Variants in ATP2C2 observed in about 807,000 individuals in gnomAD.
ATP2C2 encodes the protein calcium-transporting ATPase type 2C member 2.
ATP2C2 carries 171 observed loss-of-function variants against 110.8 expected under a neutral mutation model. The observed-to-expected ratio is 1.54, with a 90% confidence interval of 1.36 to 1.75. The LOEUF (loss-of-function observed/expected upper bound fraction) is 1.75. Ranked by LOEUF, ATP2C2 falls within the 40% of genes most tolerant of loss-of-function variation. The pLI is 0.00. For synonymous variants in ATP2C2, 804 were observed against 508.4 expected, an observed-to-expected ratio of 1.58 and a Z score of -7.82; for missense variants, 1,963 against 1,235.0, an observed-to-expected ratio of 1.59 and a Z score of -8.84.
intron 1 of ATP2C2, among the ~76,000 whole-genome samples, chr16:84,382,596 G>T (rs1910642529): frequency 6.6e-6 from 1 of 152,182 alleles, no homozygotes. Context: ...GCTGACCATA[G>T]ACATGGCCAA....
chr16:84,396,409 G>C (rs1002294399), intron 1 of ATP2C2, among the ~76,000 whole-genome samples: 14 of 151,762 alleles, frequency 9.2e-5, no homozygotes, highest in East Asian at 3.9e-4. Context: ...AATTAGTGAG[G>C]CGTGGCGGTG....
In ATP2C2 at chr16:84,442,536, C is replaced by A; in HGVS notation, c.1338C>A (p.Val446=). 1.9e-6 allele frequency: 3 copies of A among 1,614,030 alleles called. No individual in the cohort carries two copies. In the South Asian group the frequency reaches 3.3e-5, roughly 18 times the overall value. ...CGGGCTGTGTTGCCAACAATGCGGT[C>A]ATCAGAAAGAACGCCGTGATGGGGC... is the stretch of plus-strand genomic sequence containing the variant. ...VEAGCVANNA[V]IRKNAVMGQP... Residue 446 remains valine, a synonymous_variant, in exon 15 of 27, where the codon GTC becomes GTA. Coordinates refer to ENST00000262429, the MANE Select transcript of ATP2C2 (RefSeq NM_014861.4).
At chr16:84,378,029 C>T (rs1273383099) in intron 1 of ATP2C2, among the ~76,000 whole-genome samples, 1 of 152,156 alleles carries the variant, frequency 6.6e-6, no homozygotes, top group Non-Finnish European at 1.5e-5. Flanking sequence ...CACCTTGAAA[C>T]TCAAGTGCAA....
intron 16 of ATP2C2, 71 bp from the exon 17 acceptor site, chr16:84,448,462 G>T (rs1392446343): frequency 1.3e-6 from 2 of 1,510,764 alleles, no homozygotes; most frequent in Non-Finnish European, 1.8e-6. Flanking sequence ...ACCTTGTGCA[G>T]AGTGGGGTGA....
intron 10 of ATP2C2, 135 bp from the exon 11 acceptor site, chr16:84,425,600 A>T: frequency 2.1e-6 from 2 of 946,616 alleles, no homozygotes; most frequent in Non-Finnish European, 3.4e-6. Context: ...AGACGGGTTG[A>T]AAGTGGTTGA....
In ATP2C2 at chr16:84,425,743, A is replaced by C. The variant is rs771189845; in HGVS notation, c.928A>C (p.Met310Leu). 6.2e-7 allele frequency: 1 copy of C among 1,614,150 alleles called. No homozygotes were observed. The highest frequency in any genetic ancestry group is 1.1e-5 in the South Asian group (1 of 91,074). The change falls in exon 11 of 27, where the codon ATG becomes CTG. Residue 310 changes from methionine (M) to leucine (L), a missense_variant. Coordinates refer to ENST00000262429, the MANE Select transcript of ATP2C2 (RefSeq NM_014861.4). ...LFSFGIIGLI[M>L]LIGWSQGKQL... ...TTTTGTCTCTTCCCCAGGTCTCATC[A>C]TGCTCATTGGCTGGTCGCAAGGGAA... is the stretch of plus-strand genomic sequence containing the variant.
intron 23 of ATP2C2, chr16:84,460,350 G>A (rs1028258646): frequency 1.4e-5 from 6 of 430,368 alleles, no homozygotes; most frequent in Admixed American, 3.7e-5. Flanking sequence ...GCAACGTTGG[G>A]GGGGGTCCCC....
At chr16:84,414,030 T>C (rs887941258) in intron 6 of ATP2C2, among the ~76,000 whole-genome samples, 1 of 151,730 alleles carries the variant, frequency 6.6e-6, no homozygotes, top group Non-Finnish European at 1.5e-5. Flanking sequence ...CCAAAACAAA[T>C]AAAAAACCCC....
chr16:84,411,780 T>A lies in ATP2C2; in HGVS notation c.515+1015T>A, dbSNP rs376576866. On this transcript the variant is annotated intron_variant, in intron 6 of 26. Coordinates refer to ENST00000262429, the MANE Select transcript of ATP2C2 (RefSeq NM_014861.4). Reference sequence around the variant, plus strand: ...CTTAATGTTATTTAATTTTAATTTTTATTTAAATATGCACATGGACCTAGT... The same window carrying A: ...CTTAATGTTATTTAATTTTAATTTTAATTTAAATATGCACATGGACCTAGT... 2.2e-4 allele frequency among the ~76,000 whole-genome samples: 34 copies of A among 152,314 alleles called. 1 individual carries two copies. The highest frequency in any genetic ancestry group is 7.7e-4 in the African/African-American group (32 of 41,570).
chr16:84,407,810 G>C (rs750185619), intron 3 of ATP2C2, among the ~76,000 whole-genome samples: 3 of 152,066 alleles, frequency 2.0e-5, no homozygotes, highest in Non-Finnish European at 4.4e-5. Flanking sequence ...CCTGATCTTT[G>C]GTCTGCCTTC....
At chr16:84,404,263 G>A (rs1597773127) in intron 2 of ATP2C2, among the ~76,000 whole-genome samples, 1 of 152,322 alleles carries the variant, frequency 6.6e-6, no homozygotes, top group South Asian at 2.1e-4. Flanking sequence ...CCCACAGTCA[G>A]CAAAGCGGGT....
At chr16:84,462,886 A>T (rs550438430) in intron 26 of ATP2C2, 1 of 153,094 alleles carries the variant, frequency 6.5e-6, no homozygotes, top group Non-Finnish European at 1.5e-5. Context: ...GGGATTATGC[A>T]TCAGACCTGA....
intron 14 of ATP2C2, 86 bp downstream of exon 14, chr16:84,441,044 A>G: frequency 8.6e-7 from 1 of 1,163,936 alleles, no homozygotes; most frequent in Non-Finnish European, 1.3e-6. Flanking sequence ...CAGCCATTGA[A>G]CCTACTGGTT....
At chr16:84,453,544 AGGAGGT>A (rs1344898548) in intron 20 of ATP2C2, among the ~76,000 whole-genome samples, 173 bp downstream of exon 20, 10 of 151,806 alleles carry the variant, frequency 6.6e-5, no homozygotes, top group Non-Finnish European at 1.5e-4. Flanking sequence ...GGGGGAGGGG[AGGAGGT>A]TGAGCAGGGG....
chr16:84,429,082 C>T (rs1347303102), intron 11 of ATP2C2, among the ~76,000 whole-genome samples: 2 of 152,130 alleles, frequency 1.3e-5, no homozygotes, highest in Non-Finnish European at 2.9e-5. Context: ...GTCTTGATCT[C>T]TAGTGAATTG....
chr16:84,420,769 C>T (rs1950336804), intron 7 of ATP2C2, among the ~76,000 whole-genome samples: 1 of 152,054 alleles, frequency 6.6e-6, no homozygotes, highest in African/African-American at 2.4e-5. Context: ...GTGACAGTTT[C>T]TGATGTTCCT....
intron 2 of ATP2C2, among the ~76,000 whole-genome samples, chr16:84,402,852 T>G (rs1018110957): frequency 1.5e-4 from 23 of 152,288 alleles, no homozygotes; most frequent in African/African-American, 5.3e-4. Flanking sequence ...AATTATTTAG[T>G]AGGATTGGTA....
intron 15 of ATP2C2, among the ~76,000 whole-genome samples, chr16:84,445,138 C>G (rs917426243): frequency 2.6e-5 from 4 of 152,134 alleles, no homozygotes; most frequent in African/African-American, 9.7e-5. Context: ...GCATCCCTGC[C>G]TTGGTCTCTC....
At chr16:84,454,161 A>T (rs1910576079) in intron 20 of ATP2C2, among the ~76,000 whole-genome samples, 1 of 152,046 alleles carries the variant, frequency 6.6e-6, no homozygotes, top group Admixed American at 6.5e-5. Context: ...CCGTTTCCTC[A>T]TCTGTAAAAT....
Sources: allele counts gnomAD v4.1 joint callset (sites outside exome capture counted in the v4.1 genomes callset), GRCh38; gene constraint gnomAD v4.1.1; transcripts MANE v1.5; gene names NCBI Gene and HGNC (gene_info 2026-07-23, HGNC 2026-07-21).